The following ZBTB16 variants were observed in gnomAD, a reference collection of about 807,000 sequenced individuals.
ZBTB16 encodes the protein zinc finger and BTB domain-containing protein 16.
ZBTB16 carries 8 observed loss-of-function variants against 56.8 expected under a neutral mutation model. The observed-to-expected ratio is 0.14, with a 90% confidence interval of 0.08 to 0.25. The LOEUF (loss-of-function observed/expected upper bound fraction) is 0.25. Among genes scored for constraint, ZBTB16 ranks in the 10% least tolerant of loss-of-function variants. ZBTB16 has a pLI of 1.00. For synonymous variants in ZBTB16, 363 were observed against 368.5 expected (o/e 0.98, Z 0.17); for missense variants, 625 against 903.0 (o/e 0.69, Z 3.95).
chr11:114,197,886 A>G (rs1943644751), intron 4 of ZBTB16, among the ~76,000 whole-genome samples: 1 of 152,080 alleles, frequency 6.6e-6, no homozygotes, highest in Admixed American at 6.5e-5. Flanking sequence ...GCTGGGCACC[A>G]AGGAGTCCTG....
At chr11:114,112,861 A>G (rs1941061010) in intron 2 of ZBTB16, among the ~76,000 whole-genome samples, 1 of 150,716 alleles carries the variant, frequency 6.6e-6, no homozygotes, top group Non-Finnish European at 1.5e-5. Context: ...CCTTCCAGGC[A>G]CAAGTGATCC....
At chr11:114,227,467 C>A (rs1944352035) in intron 4 of ZBTB16, among the ~76,000 whole-genome samples, 1 of 152,246 alleles carries the variant, frequency 6.6e-6, no homozygotes, top group African/African-American at 2.4e-5. Flanking sequence ...AATCCTTTAT[C>A]CATCTATTCG....
chr11:114,210,836 G>A, intron 4 of ZBTB16: 1 of 214,308 alleles, frequency 4.7e-6, no homozygotes, highest in Non-Finnish European at 9.4e-6. Context: ...TTGTGAGTTG[G>A]ATGTAAAAAC....
At chr11:114,242,043 G>C (rs1243993698) in intron 4 of ZBTB16, 124 bp from the exon 5 acceptor site, 2 of 1,314,330 alleles carry the variant, frequency 1.5e-6, no homozygotes, top group Non-Finnish European at 2.1e-6. Context: ...GCCCACTCTG[G>C]ATTTGCCCCT....
intron 4 of ZBTB16, among the ~76,000 whole-genome samples, chr11:114,235,791 C>CTTTTTTT (rs576028880): frequency 4.3e-5 from 5 of 115,308 alleles, no homozygotes; most frequent in African/African-American, 1.4e-4. Flanking sequence ...CTTCCTTCTC[C>CTTTTTTT]TTTTTTTTTT....
chr11:114,250,684 G>C lies in ZBTB16; in HGVS notation c.*129G>C. 9.0e-7 allele frequency: 1 copy of C among 1,111,108 alleles called. No homozygotes were observed. Among genetic ancestry groups the C allele is most frequent in the Non-Finnish European group, 1.3e-6 (1 of 780,728 alleles). 68.8% of individuals were successfully genotyped at this position (1,111,108 alleles called of 1,614,324 possible). A position where few individuals can be genotyped will look rare whatever the true frequency, so the allele number is the denominator to read the frequency against. ...AACAGAAGGAAAAGGAAACCTGGTA[G>C]CTTTTTGGCCTTGGATTCTCTCTGG... On this transcript the variant is annotated 3_prime_UTR_variant, in exon 7 of 7. Coordinates refer to ENST00000335953, the MANE Select transcript of ZBTB16 (RefSeq NM_006006.6). This position sits in a 1 kb window ranked among gnomAD's most constrained non-coding sequence, Gnocchi z 6.0.
chr11:114,184,388 A>G (rs1943318024), intron 3 of ZBTB16, among the ~76,000 whole-genome samples: 2 of 152,188 alleles, frequency 1.3e-5, no homozygotes, highest in African/African-American at 4.8e-5. Context: ...ATTTCTAGAA[A>G]AGTAGTGGAG....
At chr11:114,202,523 A>G (rs1392278872) in intron 4 of ZBTB16, among the ~76,000 whole-genome samples, 3 of 152,218 alleles carry the variant, frequency 2.0e-5, no homozygotes, top group Non-Finnish European at 4.4e-5. Flanking sequence ...TGTGTGCCCC[A>G]GTGACACAGG....
intron 2 of ZBTB16, among the ~76,000 whole-genome samples, chr11:114,120,934 C>G (rs541240750): frequency 6.6e-6 from 1 of 152,264 alleles, no homozygotes; most frequent in East Asian, 1.9e-4. Context: ...CAGCCTTGGC[C>G]GCTTCAAGAT....
intron 4 of ZBTB16, among the ~76,000 whole-genome samples, chr11:114,192,135 G>C (rs146919368): frequency 6.6e-6 from 1 of 152,210 alleles, no homozygotes; most frequent in African/African-American, 2.4e-5. Flanking sequence ...CGACTGGGCT[G>C]GATGTCCAAG....
chr11:114,236,469 A>G (rs190873188), intron 4 of ZBTB16, among the ~76,000 whole-genome samples: 9 of 152,284 alleles, frequency 5.9e-5, no homozygotes, highest in Admixed American at 3.3e-4. Context: ...CTTCCGAGCA[A>G]CAGAGCTCAG....
intron 4 of ZBTB16, among the ~76,000 whole-genome samples, chr11:114,219,155 C>T (rs756901175): frequency 1.3e-5 from 2 of 152,042 alleles, no homozygotes; most frequent in Admixed American, 6.6e-5. Context: ...ATGGGGGAGA[C>T]AACAGTAGGG....
chr11:114,078,542 A>T (rs1008900494), intron 2 of ZBTB16, among the ~76,000 whole-genome samples: 9 of 152,182 alleles, frequency 5.9e-5, no homozygotes, highest in Non-Finnish European at 1.3e-4. Flanking sequence ...AACCCAGCTG[A>T]TAGCTTTGTT....
At chr11:114,142,163 CCTATATTCAGG>C (rs1361665403) in intron 2 of ZBTB16, among the ~76,000 whole-genome samples, 1 of 152,140 alleles carries the variant, frequency 6.6e-6, no homozygotes, top group African/African-American at 2.4e-5. Flanking sequence ...GTTGTCTTTG[CCTATATTCAGG>C]CTTGGCAGGT....
At chr11:114,241,841 C>T (rs1944710274) in intron 4 of ZBTB16, among the ~76,000 whole-genome samples, 1 of 152,158 alleles carries the variant, frequency 6.6e-6, no homozygotes, top group South Asian at 2.1e-4. Flanking sequence ...CTGTGAAGTC[C>T]ATCTGGTATA....
In ZBTB16 at chr11:114,121,584, A is replaced by G. The variant is rs555669786; in HGVS notation, c.1269-34753A>G. ...ACATCCATTATCTCATTTAGTCATG[A>G]CAGTAATCCCATGACATAGGGACTG... On this transcript the variant is annotated intron_variant, in intron 2 of 6. Transcript: ENST00000335953. 1.3e-3 allele frequency among the ~76,000 whole-genome samples: 192 copies of G among 152,258 alleles called. 2 individuals carry two copies. Among genetic ancestry groups the G allele is most frequent in the Non-Finnish European group, 1.5e-3 (102 of 68,010 alleles).
chr11:114,185,853 C>T (rs936605597), intron 3 of ZBTB16, among the ~76,000 whole-genome samples: 1 of 152,206 alleles, frequency 6.6e-6, no homozygotes, highest in African/African-American at 2.4e-5. Context: ...GACATGGTGG[C>T]ATTATCACTT....
intron 2 of ZBTB16, among the ~76,000 whole-genome samples, chr11:114,072,310 C>A (rs973144407): frequency 1.3e-5 from 2 of 152,176 alleles, no homozygotes; most frequent in Non-Finnish European, 2.9e-5. Flanking sequence ...ACTCTTTGTC[C>A]CATTGACCTG....
intron 2 of ZBTB16, among the ~76,000 whole-genome samples, chr11:114,131,757 C>T (rs942396586): frequency 6.6e-6 from 1 of 152,078 alleles, no homozygotes; most frequent in African/African-American, 2.4e-5. Context: ...CTGCTTACCG[C>T]GGGTCAGAGA....
Sources: gnomAD v4.1 joint callset for allele counts (sites outside exome capture counted in the v4.1 genomes callset) on GRCh38, gnomAD v4.1.1 for gene constraint, Gnocchi (gnomAD v3.1) non-coding constraint, MANE v1.5 for transcripts, NCBI Gene and HGNC (gene_info 2026-07-23, HGNC 2026-07-21) for gene names.